The following CLIP1 variants were observed in gnomAD, a reference collection of about 807,000 sequenced individuals.
The protein encoded by CLIP1 is CAP-Gly domain-containing linker protein 1.
In CLIP1, 66 loss-of-function variants were observed where a neutral mutation model predicts 161.6. The observed-to-expected ratio is 0.41, with a 90% CI of 0.33 to 0.50. The LOEUF is 0.50. Ranked by LOEUF, CLIP1 falls within the 20% of genes least tolerant of loss-of-function variation. CLIP1 has a pLI of 0.27. For missense variants in CLIP1, 1,376 were observed against 1,702.0 expected, an observed-to-expected ratio of 0.81 and a Z score of 3.37; for synonymous variants, 598 against 626.2, an observed-to-expected ratio of 0.96 and a Z score of 0.67.
intron 11 of CLIP1, among the ~76,000 whole-genome samples, chr12:122,339,615 G>C (rs1952401768): frequency 6.6e-6 from 1 of 152,134 alleles, no homozygotes; most frequent in African/African-American, 2.4e-5. Flanking sequence ...GAGCCACCTT[G>C]CCCGGCCAAC....
intron 2 of CLIP1, 53 bp from the exon 3 acceptor site, chr12:122,378,013 C>T: frequency 6.8e-7 from 1 of 1,479,304 alleles, no homozygotes; most frequent in Non-Finnish European, 9.1e-7. Context: ...CAGACAACCT[C>T]TAACTTAAAG....
chr12:122,341,380 C>T lies in CLIP1; in HGVS notation c.1824G>A (p.Lys608=). Residue 608 remains lysine (K), a synonymous_variant, in exon 11 of 26, where the codon AAG becomes AAA. Transcript: ENST00000620786. ...AGTTCTCTTTGTTGGCATGCTCCAG[C>T]TTGCTTTTCAATGACTCGTTCTCTT... is the stretch of plus-strand genomic sequence containing the variant. ...LSKENESLKS[K]LEHANKENSD... 1.2e-6 allele frequency: 2 copies of T among 1,614,140 alleles called. No homozygotes were observed. Among genetic ancestry groups the T allele is most frequent in the Non-Finnish European group, 1.7e-6 (2 of 1,180,038 alleles).
chr12:122,382,472 G>A (rs1955051813), intron 1 of CLIP1, among the ~76,000 whole-genome samples: 1 of 151,556 alleles, frequency 6.6e-6, no homozygotes. Flanking sequence ...AGGTTGTAGT[G>A]AGCCTAGGCA....
intron 9 of CLIP1, among the ~76,000 whole-genome samples, chr12:122,350,571 T>C (rs1006957944): frequency 3.3e-5 from 5 of 152,090 alleles, no homozygotes; most frequent in African/African-American, 1.2e-4. Flanking sequence ...GAAGTTTAAA[T>C]GTCTCATCAG....
intron 17 of CLIP1, among the ~76,000 whole-genome samples, chr12:122,320,870 G>A (rs1021207703): frequency 1.0e-4 from 15 of 150,572 alleles, no homozygotes; most frequent in Non-Finnish European, 2.1e-4. Context: ...TCACCACACC[G>A]GGCTAATTTT....
intron 1 of CLIP1, among the ~76,000 whole-genome samples, chr12:122,390,196 T>TATATATATAA (rs1421512147): frequency 8.1e-5 from 8 of 98,882 alleles, no homozygotes; most frequent in Non-Finnish European, 1.8e-4. Context: ...TATATATATA[T>TATATATATAA]AATATATATA....
At chr12:122,308,500 G>C (rs781531810) in intron 20 of CLIP1, among the ~76,000 whole-genome samples, 4 of 152,160 alleles carry the variant, frequency 2.6e-5, no homozygotes, top group Non-Finnish European at 5.9e-5. Flanking sequence ...TCAAAGGAGA[G>C]TGCAGTGACC....
At chr12:122,408,286 T>G (rs950439284) in intron 1 of CLIP1, among the ~76,000 whole-genome samples, 1 of 151,900 alleles carries the variant, frequency 6.6e-6, no homozygotes, top group African/African-American at 2.4e-5. Flanking sequence ...AGTTTAATAG[T>G]TGCTATAGGT....
rs537520510 is a variant in CLIP1, at chr12:122,376,470, A to T, written c.657+919T>A. On this transcript the variant is annotated intron_variant, in intron 3 of 25. Transcript: ENST00000620786. ...GAGCCATATAATATTAAGAAAAAAA[A>T]TTTTTTTTTTCTTTGAGACAGAGTC... Among the ~76,000 whole-genome samples, 50 of 150,560 alleles carry T rather than the reference A, an allele frequency of 3.3e-4. 1 individual carries two copies. In the South Asian group the frequency reaches 4.4e-3, roughly 13 times the overall value.
At chr12:122,410,741 G>T (rs1405025137) in intron 1 of CLIP1, among the ~76,000 whole-genome samples, 1 of 152,078 alleles carries the variant, frequency 6.6e-6, no homozygotes, top group African/African-American at 2.4e-5. Flanking sequence ...TTACAGGCGT[G>T]AGCCACCACA....
rs117249327 is a variant in CLIP1, at chr12:122,330,560, G to C, written c.2868-2134C>G. Among the ~76,000 whole-genome samples the C allele has an allele frequency of 1.1e-4, 17 of 148,208 alleles. No homozygotes were observed. In the East Asian group the frequency reaches 3.4e-3, roughly 29 times the overall value. On this transcript the variant is annotated intron_variant, in intron 15 of 25. Coordinates refer to ENST00000620786, the MANE Select transcript of CLIP1 (RefSeq NM_001247997.2). ...GAATAAAGACAAAAACAGATATTAA[G>C]ATAGAGGAAACTTCAGCACTGAAGA... is the stretch of plus-strand genomic sequence containing the variant.
chr12:122,328,317 C>CT lies in CLIP1; in HGVS notation c.2976dup (p.Ala993SerfsTer3). The CT allele has an allele frequency of 6.2e-7, 1 of 1,614,086 alleles. No homozygotes were observed. Among genetic ancestry groups the CT allele is most frequent in the Non-Finnish European group, 8.5e-7 (1 of 1,180,020 alleles). On this transcript the variant is annotated frameshift_variant, in exon 16 of 26. Coordinates refer to ENST00000620786, the MANE Select transcript of CLIP1 (RefSeq NM_001247997.2). LOFTEE classifies it high-confidence loss of function. ...TTTTCTTCCTCATGCTTTTTAGCTG[C>CT]TTCTTGCTGGCTCTGTTCAGCTTTG...
intron 1 of CLIP1, among the ~76,000 whole-genome samples, chr12:122,404,395 G>A (rs11058003): frequency 1.3e-5 from 2 of 151,614 alleles, no homozygotes; most frequent in South Asian, 2.1e-4. Flanking sequence ...CTAGGAGTTC[G>A]AGACCTTCGG....
intron 11 of CLIP1, 140 bp downstream of exon 11, chr12:122,340,613 A>G: frequency 1.5e-6 from 1 of 661,856 alleles, no homozygotes; most frequent in Non-Finnish European, 2.6e-6. Flanking sequence ...AGAACATACT[A>G]CACTATACTC....
chr12:122,300,149 G>A (rs1261938068), intron 20 of CLIP1, among the ~76,000 whole-genome samples: 3 of 151,998 alleles, frequency 2.0e-5, no homozygotes, highest in Non-Finnish European at 4.4e-5. Flanking sequence ...ATGTGCCTGT[G>A]GTCCCAACTA....
chr12:122,319,445 G>C (rs1951397873), intron 17 of CLIP1, 97 bp from the exon 18 acceptor site: 2 of 857,788 alleles, frequency 2.3e-6, no homozygotes, highest in Non-Finnish European at 3.9e-6. Context: ...CTCAGTGTCT[G>C]TGTGGGTAAG....
chr12:122,302,491 C>A (rs1211663003), intron 20 of CLIP1, among the ~76,000 whole-genome samples: 1 of 152,092 alleles, frequency 6.6e-6, no homozygotes, highest in Non-Finnish European at 1.5e-5. Context: ...CCCAATGGGT[C>A]CCCCTACTGG....
At chr12:122,414,571 T>C (rs1463577319) in intron 1 of CLIP1, among the ~76,000 whole-genome samples, 1 of 151,060 alleles carries the variant, frequency 6.6e-6, no homozygotes, top group African/African-American at 2.4e-5. Flanking sequence ...TTCAAGTGAT[T>C]CTCCTGCCTC....
At chr12:122,356,814 T>C (rs1025010159) in intron 5 of CLIP1, among the ~76,000 whole-genome samples, 2 of 152,324 alleles carry the variant, frequency 1.3e-5, no homozygotes, top group Non-Finnish European at 2.9e-5. Flanking sequence ...GTTTTCGTAT[T>C]TTTTTGGTGG....
Sources: gnomAD v4.1 joint callset for allele counts (sites outside exome capture counted in the v4.1 genomes callset) on GRCh38, gnomAD v4.1.1 for gene constraint, MANE v1.5 for transcripts, NCBI Gene and HGNC (gene_info 2026-07-23, HGNC 2026-07-21) for gene names.